DYDC2: variants seen among roughly 807,000 people sequenced by gnomAD.
The protein encoded by DYDC2 is DPY30 domain containing 2.
Under a neutral mutation model 18.7 loss-of-function variants are expected in DYDC2, and 19 were observed. The ratio of observed to expected loss-of-function variants is 1.02; its 90% CI spans 0.71 to 1.49. DYDC2 has a LOEUF of 1.49. Among genes scored for constraint, DYDC2 ranks in the 40% most tolerant of loss-of-function variants. The probability of loss-of-function intolerance (pLI) is 0.00; values close to 1 mark genes in which losing one functional copy is unlikely to be tolerated. For synonymous variants in DYDC2, 63 were observed against 67.6 expected, an observed-to-expected ratio of 0.93 and a Z score of 0.34; for missense variants, 179 against 205.1, an observed-to-expected ratio of 0.87 and a Z score of 0.78.
rs751742005 is a variant in DYDC2 at position 80,362,956 on chromosome 10, G to A, written c.153G>A (p.Arg51=). Residue 51 remains arginine (R), a synonymous_variant, in exon 4 of 5, where the codon AGG becomes AGA. Transcript: ENST00000256039. ...RKTAKAKEEN[R]EKKIHLQEEY... is the part of the protein sequence containing the mutation. ...ACTCTGTCACCTCACCCCAGAATAG[G>A]GAAAAGAAGATCCACCTGCAGGAGG... 2.1e-5 allele frequency: 34 copies of A among 1,613,146 alleles called. No individual in the cohort carries two copies. In the Admixed American group the frequency reaches 5.7e-4, roughly 27 times the overall value.
At chr10:80,357,300 A>G (rs1310769633) in intron 1 of DYDC2, among the ~76,000 whole-genome samples, 1 of 151,142 alleles carries the variant, frequency 6.6e-6, no homozygotes, top group African/African-American at 2.4e-5. Context: ...GGCACGCGGG[A>G]CGGGCGTGTG....
intron 1 of DYDC2, among the ~76,000 whole-genome samples, chr10:80,350,559 G>A (rs2132823707): frequency 6.6e-6 from 1 of 152,300 alleles, no homozygotes; most frequent in Non-Finnish European, 1.5e-5. Flanking sequence ...AGACTCAGAA[G>A]GAGTAGAGTT....
chr10:80,364,263 A>G (rs1001260292), intron 4 of DYDC2, among the ~76,000 whole-genome samples: 1 of 152,242 alleles, frequency 6.6e-6, no homozygotes, highest in Non-Finnish European at 1.5e-5. Flanking sequence ...AATAAATTAA[A>G]TCAAAAGATA....
chr10:80,352,295 G>A (rs944724118), upstream of DYDC2: 4 of 1,091,154 alleles, frequency 3.7e-6, no homozygotes, highest in Non-Finnish European at 4.9e-6. Flanking sequence ...AGTCTTCTTT[G>A]GGTAATGTTT....
chr10:80,363,348 T>G (rs917423185), intron 4 of DYDC2, among the ~76,000 whole-genome samples: 10 of 132,724 alleles, frequency 7.5e-5, no homozygotes, highest in Admixed American at 1.5e-4. Context: ...TTTTTTTTTT[T>G]TTTTTTTTTT....
chr10:80,347,276 CTTTTTTTTTTTTTTTTTT>C (rs556362145), intron 1 of DYDC2, among the ~76,000 whole-genome samples: 1 of 90,114 alleles, frequency 1.1e-5, no homozygotes, highest in African/African-American at 4.4e-5. Context: ...AATTGGGATC[CTTTTTTTTTTTTTTTTTT>C]TTTTTTTTTT....
chr10:80,346,068 G>A lies in DYDC2; in HGVS notation c.-310+1253G>A, dbSNP rs145629512. On this transcript the variant is annotated intron_variant, in intron 1 of 4. Transcript: ENST00000372197. ...TCCCTATGTTGCCCAAGCTGGTCTC[G>A]AACTCTGGACCTCAAGTGATCCTCA... Among the ~76,000 whole-genome samples the A allele has an allele frequency of 2.7e-4, 41 of 152,242 alleles. No individual in the cohort carries two copies. In the East Asian group the frequency reaches 5.6e-3, roughly 21 times the overall value.
chr10:80,358,679 C>T (rs1843550183), intron 2 of DYDC2, among the ~76,000 whole-genome samples: 2 of 152,210 alleles, frequency 1.3e-5, no homozygotes, highest in African/African-American at 4.8e-5. Context: ...CTACAGGTCG[C>T]TTGGAGATTT....
At chr10:80,362,322 C>A in intron 2 of DYDC2, 113 bp from the exon 3 acceptor site, 1 of 1,407,644 alleles carries the variant, frequency 7.1e-7, no homozygotes, top group South Asian at 1.5e-5. Flanking sequence ...AAGGTGTGAT[C>A]CAGAAGCATC....
chr10:80,360,040 C>T (rs2132887868), intron 2 of DYDC2, among the ~76,000 whole-genome samples: 1 of 152,342 alleles, frequency 6.6e-6, no homozygotes, highest in South Asian at 2.1e-4. Context: ...TCACCTCTCA[C>T]CCAGGTGATG....
chr10:80,351,776 A>C, intron 1 of DYDC2: 1 of 820,886 alleles, frequency 1.2e-6, no homozygotes, highest in Non-Finnish European at 1.9e-6. Flanking sequence ...ATCCATAAAG[A>C]TGAAGATATT....
chr10:80,346,123 C>T (rs1842608767), intron 1 of DYDC2, among the ~76,000 whole-genome samples: 1 of 152,172 alleles, frequency 6.6e-6, no homozygotes, highest in African/African-American at 2.4e-5. Flanking sequence ...ACTGGGATTA[C>T]AGGTGTGAGC....
chr10:80,350,866 T>C (rs528206901), intron 1 of DYDC2, among the ~76,000 whole-genome samples: 1 of 152,106 alleles, frequency 6.6e-6, no homozygotes. Context: ...CCATGACCCA[T>C]CCCTTCAACA....
chr10:80,357,787 TGTTA>T (rs1269899840), intron 1 of DYDC2, 102 bp from the exon 2 acceptor site: 2 of 985,372 alleles, frequency 2.0e-6, no homozygotes, highest in African/African-American at 1.7e-5. Flanking sequence ...CCTTAATAGA[TGTTA>T]GTTGAGCTAG....
At chr10:80,355,801 G>A (rs1397384582), upstream of DYDC2, among the ~76,000 whole-genome samples, 2 of 151,998 alleles carry the variant, frequency 1.3e-5, no homozygotes, top group South Asian at 2.1e-4. Flanking sequence ...CTCTAAAAAC[G>A]GAAAACAAAC....
Position 80,366,992 on chromosome 10 carries a change from C to T in DYDC2, c.*41C>T, listed in dbSNP as rs766847843. 3 of 1,560,582 alleles carry T rather than the reference C, an allele frequency of 1.9e-6. No homozygotes were observed. In the South Asian group the frequency reaches 3.7e-5, roughly 19 times the overall value. On this transcript the variant is annotated 3_prime_UTR_variant, in exon 5 of 5. Transcript: ENST00000256039. The stretch of plus-strand genomic sequence containing the variant: ...TGCTTCTGATTTACTTCTCTCAAAG[C>T]TAGAAGCCAAGAAAATGGCCAGCTA...
intron 2 of DYDC2, 73 bp from the exon 3 acceptor site, chr10:80,362,362 G>T: frequency 6.5e-7 from 1 of 1,536,898 alleles, no homozygotes. Context: ...AATCTGAATT[G>T]GTTAGAATGT....
At chr10:80,358,708 G>A (rs537086932) in intron 2 of DYDC2, among the ~76,000 whole-genome samples, 2 of 152,302 alleles carry the variant, frequency 1.3e-5, no homozygotes, top group Admixed American at 6.5e-5. Flanking sequence ...TGCAGGTTCT[G>A]AATCTGTGGT....
rs1395615941 is a variant in DYDC2, at chr10:80,362,491, G to A, written c.48G>A (p.Gln16=). Residue 16 remains glutamine, a synonymous_variant, in exon 3 of 5, where the codon CAG becomes CAA. Coordinates refer to ENST00000256039, the MANE Select transcript of DYDC2 (RefSeq NM_032372.6). ...LKRCFGNCLA[Q]ALAEVAKVRP... is the part of the protein sequence containing the mutation. ...GGTGCTTTGGAAATTGCCTGGCCCA[G>A]GCACTGGCAGAGGTGGCGAAGGTTC... 18 of 1,614,018 alleles carry A rather than the reference G, an allele frequency of 1.1e-5. No individual in the cohort carries two copies. The East Asian group carries it at 3.8e-4, about 34-fold the overall frequency.
Sources: gnomAD v4.1 joint callset for allele counts (sites outside exome capture counted in the v4.1 genomes callset) on GRCh38, gnomAD v4.1.1 for gene constraint, MANE v1.5 for transcripts, NCBI Gene and HGNC (gene_info 2026-07-23, HGNC 2026-07-21) for gene names.